TBC1D4: variants seen among roughly 807,000 people sequenced by gnomAD.
TBC1D4 encodes TBC (Tre-2, BUB2, CDC16) domain-containing protein.
A neutral mutation model predicts 142.5 loss-of-function variants in TBC1D4; 121 were observed. The ratio of observed to expected loss-of-function variants is 0.85; its 90% CI spans 0.73 to 0.99. The LOEUF (loss-of-function observed/expected upper bound fraction) is 0.99, where lower values mean the gene tolerates loss of function less well. TBC1D4 is among the 50% of genes least tolerant of loss of function. The pLI, the probability that TBC1D4 is intolerant of heterozygous loss-of-function variation, is 0.00. For missense variants in TBC1D4, 1,475 were observed against 1,606.6 expected (o/e 0.92, Z 1.40); for synonymous variants, 630 against 628.2 (o/e 1.00, Z -0.04).
chr13:75,306,477 G>A lies in TBC1D4; in HGVS notation c.2594-6C>T. On this transcript the variant is annotated splice_polypyrimidine_tract_variant and splice_region_variant and intron_variant, in intron 14 of 20. Transcript: ENST00000377636. ...CTGGAGTTCATCTCTGCTTGCTAAGGAAAAAAACAATTTACGTAAGACCAA... is the reference window on the plus strand; with the variant it reads ...CTGGAGTTCATCTCTGCTTGCTAAGAAAAAAAACAATTTACGTAAGACCAA... The A allele has an allele frequency of 1.2e-6, 2 of 1,612,238 alleles. No individual in the cohort carries two copies. The highest frequency in any genetic ancestry group is 1.1e-5 in the South Asian group (1 of 90,994).
Position 75,481,535 on chromosome 13 carries a change from G to A in TBC1D4, c.233C>T (p.Ala78Val). The change falls in exon 1 of 21, where the codon GCG becomes GTG. Residue 78 changes from alanine (A) to valine (V), a missense_variant. Ala to Val is a moderately conservative substitution (Grantham distance 64). Around this residue, in one of 2 missense-constraint regions of TBC1D4, gnomAD observed 1,227 missense variants for 1,267.7 expected, o/e 0.97. Coordinates refer to ENST00000377636, the MANE Select transcript of TBC1D4 (RefSeq NM_014832.5). ...KPEAGGCGAPAAREVILVLSA... is the reference protein window; with the variant it reads ...KPEAGGCGAPVAREVILVLSA... ...GAGCACCAGGATCACCTCTCGGGCC[G>A]CCGGCGCCCCGCAGCCGCCCGCCTC... is the stretch of plus-strand genomic sequence containing the variant. 1 of 1,602,624 alleles carries A rather than the reference G, an allele frequency of 6.2e-7. No individual in the cohort carries two copies. The highest frequency in any genetic ancestry group is 8.5e-7 in the Non-Finnish European group (1 of 1,174,868).
chr13:75,423,881 A>G (rs749757955), intron 1 of TBC1D4, among the ~76,000 whole-genome samples: 12 of 152,250 alleles, frequency 7.9e-5, no homozygotes, highest in Admixed American at 3.3e-4. Context: ...TTGCAAGAAA[A>G]GAAGTTCTGG....
intron 4 of TBC1D4, among the ~76,000 whole-genome samples, chr13:75,354,681 G>A (rs540423134): frequency 6.6e-6 from 1 of 152,240 alleles, no homozygotes; most frequent in African/African-American, 2.4e-5. Flanking sequence ...TGAGGTGTGG[G>A]CGTGTAGGGG....
intron 1 of TBC1D4, among the ~76,000 whole-genome samples, chr13:75,433,030 GA>G (rs201971417): frequency 2.7e-5 from 4 of 149,566 alleles, no homozygotes; most frequent in Middle Eastern, 6.8e-3. Flanking sequence ...TAACTGAAAG[GA>G]AAAAAAAATA....
In TBC1D4 at chr13:75,327,742, A is replaced by G; in HGVS notation, c.1806+10T>C. On this transcript the variant is annotated intron_variant, in intron 9 of 20. Transcript: ENST00000377636. Reference sequence around the variant, plus strand: ...GTTGCAATTAGTGTAAACAAGCTCTAGTTAGATACCTTCTCTGAAGCAAGA... The same window carrying G: ...GTTGCAATTAGTGTAAACAAGCTCTGGTTAGATACCTTCTCTGAAGCAAGA... 6.2e-7 allele frequency: 1 copy of G among 1,613,904 alleles called. No homozygotes were observed.
intron 1 of TBC1D4, among the ~76,000 whole-genome samples, chr13:75,426,117 TG>T (rs1886361507): frequency 6.6e-6 from 1 of 152,146 alleles, no homozygotes; most frequent in Admixed American, 6.5e-5. Context: ...AAATTTTTAA[TG>T]GGAGAAAAAC....
intron 1 of TBC1D4, among the ~76,000 whole-genome samples, chr13:75,382,340 C>T (rs1883900302): frequency 6.6e-6 from 1 of 152,130 alleles, no homozygotes; most frequent in East Asian, 1.9e-4. Flanking sequence ...AGGTTTTTCT[C>T]TCACTATCTC....
At chr13:75,347,166 A>G (rs977556359) in intron 5 of TBC1D4, among the ~76,000 whole-genome samples, 12 of 151,556 alleles carry the variant, frequency 7.9e-5, no homozygotes, top group Non-Finnish European at 1.5e-4. Context: ...CAAACGTATT[A>G]CATAACCATA....
chr13:75,368,638 C>T (rs1258269590), intron 1 of TBC1D4, among the ~76,000 whole-genome samples: 2 of 152,146 alleles, frequency 1.3e-5, no homozygotes, highest in Admixed American at 6.5e-5. Context: ...GTAAAAGGTA[C>T]GACTTGTGCC....
chr13:75,304,452 G>C (rs548641617), intron 15 of TBC1D4, among the ~76,000 whole-genome samples: 156 of 152,244 alleles, frequency 1.0e-3, no homozygotes, highest in African/African-American at 3.7e-3. Context: ...GCAAGATACT[G>C]TCTTAGGTGC....
chr13:75,403,990 A>T (rs961546934), intron 1 of TBC1D4, among the ~76,000 whole-genome samples: 4 of 152,066 alleles, frequency 2.6e-5, no homozygotes, highest in Non-Finnish European at 5.9e-5. Flanking sequence ...AGTTCAAGGA[A>T]ATCAGGTATT....
At chr13:75,319,814 C>T (rs1044747904) in intron 12 of TBC1D4, among the ~76,000 whole-genome samples, 200 bp downstream of exon 12, 1 of 152,194 alleles carries the variant, frequency 6.6e-6, no homozygotes, top group Admixed American at 6.5e-5. Flanking sequence ...TTTCTGTCTG[C>T]AATCAACATT....
intron 11 of TBC1D4, 101 bp from the exon 12 acceptor site, chr13:75,320,138 GGT>G: frequency 7.7e-7 from 1 of 1,300,100 alleles, no homozygotes; most frequent in African/African-American, 1.5e-5. Flanking sequence ...AATAAGTCAT[GGT>G]AAGGTTACTT....
intron 1 of TBC1D4, among the ~76,000 whole-genome samples, chr13:75,476,391 T>C (rs987002998): frequency 2.6e-5 from 4 of 152,252 alleles, no homozygotes; most frequent in Admixed American, 6.5e-5. Flanking sequence ...ATTTTCCACC[T>C]GTAGTGTCAT....
chr13:75,409,041 G>GCGCA (rs1555317975), intron 1 of TBC1D4, among the ~76,000 whole-genome samples: 11,237 of 150,726 alleles, frequency 0.075, 535 homozygotes, highest in African/African-American at 0.13. Context: ...ATACACACAC[G>GCGCA]CACACACACA....
At chr13:75,335,455 A>G (rs1880116485) in intron 8 of TBC1D4, among the ~76,000 whole-genome samples, 1 of 152,188 alleles carries the variant, frequency 6.6e-6, no homozygotes, top group African/African-American at 2.4e-5. Flanking sequence ...GAATACATAA[A>G]TTTCCATTAA....
chr13:75,340,542 C>T (rs1271856341), intron 7 of TBC1D4, among the ~76,000 whole-genome samples: 1 of 152,160 alleles, frequency 6.6e-6, no homozygotes, highest in Non-Finnish European at 1.5e-5. Context: ...TATGTTCATT[C>T]TAAATCACGA....
At chr13:75,334,400 T>C (rs958683106) in intron 8 of TBC1D4, among the ~76,000 whole-genome samples, 3 of 152,188 alleles carry the variant, frequency 2.0e-5, no homozygotes, top group East Asian at 1.9e-4. Flanking sequence ...TAGGAACATA[T>C]ACATATATAC....
At chr13:75,413,318 C>T (rs558056672) in intron 1 of TBC1D4, among the ~76,000 whole-genome samples, 14 of 152,194 alleles carry the variant, frequency 9.2e-5, no homozygotes, top group East Asian at 3.9e-4. Context: ...CGCACCACCA[C>T]GCCTGGCTAA....
Sources: allele counts gnomAD v4.1 joint callset (sites outside exome capture counted in the v4.1 genomes callset), GRCh38; gene constraint gnomAD v4.1.1; regional missense constraint gnomAD v4.1.1; transcripts MANE v1.5; gene names NCBI Gene and HGNC (gene_info 2026-07-23, HGNC 2026-07-21).